IMMP2L: variants seen among roughly 807,000 people sequenced by gnomAD.
IMMP2L encodes the protein mitochondrial inner membrane protease subunit 2.
A neutral mutation model predicts 19.3 loss-of-function variants in IMMP2L; 18 were observed. That is an observed-to-expected ratio of 0.93 (90% CI 0.64 to 1.38). IMMP2L has a LOEUF of 1.38. Ranked by LOEUF, IMMP2L falls within the 40% of genes most tolerant of loss-of-function variation. The pLI is 0.00. For synonymous variants in IMMP2L, 76 were observed against 73.0 expected, an observed-to-expected ratio of 1.04 and a Z score of -0.21; for missense variants, 233 against 218.2, an observed-to-expected ratio of 1.07 and a Z score of -0.43.
chr7:111,115,043 A>G (rs1266790322), intron 3 of IMMP2L, among the ~76,000 whole-genome samples: 1 of 152,168 alleles, frequency 6.6e-6, no homozygotes, highest in African/African-American at 2.4e-5. Flanking sequence ...TTATACTTCA[A>G]TCTAAGATGA....
At chr7:110,802,475 AC>A (rs1320698885) in intron 5 of IMMP2L, among the ~76,000 whole-genome samples, 1 of 151,794 alleles carries the variant, frequency 6.6e-6, no homozygotes, top group African/African-American at 2.4e-5. Context: ...AATATCCTAT[AC>A]CATTATTATT....
At chr7:111,496,923 T>TAGATAGAC (rs1843649455) in intron 2 of IMMP2L, among the ~76,000 whole-genome samples, 2 of 151,062 alleles carry the variant, frequency 1.3e-5, no homozygotes, top group Admixed American at 6.6e-5. Context: ...GATAGATAGA[T>TAGATAGAC]AGACAGACAG....
intron 5 of IMMP2L, among the ~76,000 whole-genome samples, chr7:110,721,568 C>T (rs569504054): frequency 6.6e-6 from 1 of 151,856 alleles, no homozygotes; most frequent in Non-Finnish European, 1.5e-5. Flanking sequence ...CAAAAAAACA[C>T]ACAAACAAAA....
intron 2 of IMMP2L, among the ~76,000 whole-genome samples, chr7:111,511,381 A>G (rs1468000333): frequency 6.6e-6 from 1 of 152,114 alleles, no homozygotes; most frequent in African/African-American, 2.4e-5. Context: ...CGTGGTGGCC[A>G]ACACCTGTAA....
intron 3 of IMMP2L, among the ~76,000 whole-genome samples, chr7:111,114,589 C>T (rs575865492): frequency 5.3e-5 from 8 of 151,408 alleles, no homozygotes; most frequent in East Asian, 2.0e-4. Flanking sequence ...TACAAACATT[C>T]GCTGGGTGTG....
intron 4 of IMMP2L, 111 bp downstream of exon 4, chr7:110,963,389 T>A (rs1353030820): frequency 1.4e-6 from 1 of 692,168 alleles, no homozygotes; most frequent in Non-Finnish European, 2.4e-6. Context: ...TCATTTGGAA[T>A]GTCTCCAAAA....
Position 110,970,997 on chromosome 7 carries a change from C to T in IMMP2L, c.240-7432G>A, listed in dbSNP as rs567347119. ...CCACAAAACACCCTGAAAGAGCAAG[C>T]TATTTGTATTTTCTATATCAAACCA... On this transcript the variant is annotated intron_variant, in intron 3 of 5. Transcript: ENST00000405709. 5.9e-5 allele frequency among the ~76,000 whole-genome samples: 9 copies of T among 152,220 alleles called. No homozygotes were observed. The South Asian group carries it at 1.9e-3, about 32-fold the overall frequency.
chr7:110,793,393 C>G (rs2131162427), intron 5 of IMMP2L, among the ~76,000 whole-genome samples: 1 of 151,652 alleles, frequency 6.6e-6, no homozygotes, highest in African/African-American at 2.4e-5. Context: ...GCACTCTAGC[C>G]TGGGCAACAG....
At chr7:111,454,542 T>C (rs1839514769) in intron 3 of IMMP2L, among the ~76,000 whole-genome samples, 2 of 152,044 alleles carry the variant, frequency 1.3e-5, no homozygotes, top group Non-Finnish European at 2.9e-5. Context: ...CACTCAAATA[T>C]AGCTAATTTC....
intron 4 of IMMP2L, among the ~76,000 whole-genome samples, chr7:110,893,603 G>A (rs1435266872): frequency 6.6e-6 from 1 of 151,982 alleles, no homozygotes; most frequent in East Asian, 1.9e-4. Flanking sequence ...AAGATTCAGG[G>A]GGTACATGTG....
chr7:111,060,935 C>T (rs1469266996), intron 3 of IMMP2L, among the ~76,000 whole-genome samples: 2 of 152,152 alleles, frequency 1.3e-5, no homozygotes, highest in East Asian at 1.9e-4. Context: ...TTACGGTTCT[C>T]GGATTTAGAC....
In IMMP2L at chr7:111,123,496, T is replaced by G; in HGVS notation, c.240-159931A>C. ...TGGACTGGAAAACTTAGAAAGCATCTCTTTTTACGATAACAGGCTTATTAA... is the reference window on the plus strand; with the variant it reads ...TGGACTGGAAAACTTAGAAAGCATCGCTTTTTACGATAACAGGCTTATTAA... On this transcript the variant is annotated intron_variant, in intron 3 of 5. Coordinates refer to ENST00000405709, the MANE Select transcript of IMMP2L (RefSeq NM_032549.4). This position sits in a 1 kb window ranked among gnomAD's most constrained non-coding sequence, Gnocchi z 6.4. 1 of 1,613,874 alleles carries G rather than the reference T, an allele frequency of 6.2e-7. No individual in the cohort carries two copies. Among genetic ancestry groups the G allele is most frequent in the Non-Finnish European group, 8.5e-7 (1 of 1,179,942 alleles).
Position 110,870,658 on chromosome 7 carries a change from C to G in IMMP2L, c.408+15935G>C, listed in dbSNP as rs192681030. 6.6e-6 allele frequency among the ~76,000 whole-genome samples: 1 copy of G among 151,998 alleles called. No individual in the cohort carries two copies. The highest frequency in any genetic ancestry group is 1.9e-4 in the East Asian group (1 of 5,164). ...AATAAAGAGCCAACCACACAAAGAC[C>G]TAAAGGAAGAGAATTCAAGGAAGAG... is the stretch of plus-strand genomic sequence containing the variant. On this transcript the variant is annotated intron_variant, in intron 5 of 5. Transcript: ENST00000405709. This position sits in a 1 kb window ranked among gnomAD's most constrained non-coding sequence, Gnocchi z 4.2.
rs567292241 is a variant in IMMP2L at position 111,480,153 on chromosome 7, G to A, written c.239+7085C>T. ...GGCTGGAGTGCAGTGGCGCAATCTC[G>A]GCTCACTGCAAGCTCCGCCTCCCAG... is the stretch of plus-strand genomic sequence containing the variant. On this transcript the variant is annotated intron_variant, in intron 3 of 5. Transcript: ENST00000405709. 2.7e-5 allele frequency among the ~76,000 whole-genome samples: 4 copies of A among 149,582 alleles called. 1 individual carries two copies. Among genetic ancestry groups the A allele is most frequent in the African/African-American group, 9.9e-5 (4 of 40,450 alleles).
At chr7:111,446,174 G>A (rs1442887696) in intron 3 of IMMP2L, among the ~76,000 whole-genome samples, 1 of 152,212 alleles carries the variant, frequency 6.6e-6, no homozygotes, top group Non-Finnish European at 1.5e-5. Context: ...AAACAAAGCA[G>A]CCTGGAAGCT....
At chr7:111,139,156 C>T (rs2129597427) in intron 3 of IMMP2L, among the ~76,000 whole-genome samples, 1 of 151,992 alleles carries the variant, frequency 6.6e-6, no homozygotes, top group South Asian at 2.1e-4. Context: ...TATCTTTGCC[C>T]TATTTACATT....
rs114629620 is a variant in IMMP2L, at chr7:111,302,143, G to C, written c.239+185095C>G. ...TTAGTAACTTCACTGGAATGCCCTT[G>C]CCCCAGATTTCTACAAGGTTAGTTC... On this transcript the variant is annotated intron_variant, in intron 3 of 5. Transcript: ENST00000405709. Among the ~76,000 whole-genome samples, 635 of 151,936 alleles carry C rather than the reference G, an allele frequency of 4.2e-3. 5 individuals carry two copies. The highest frequency in any genetic ancestry group is 0.015 in the African/African-American group (609 of 41,448).
intron 5 of IMMP2L, among the ~76,000 whole-genome samples, chr7:110,668,541 G>A (rs1369783976): frequency 6.6e-6 from 1 of 152,124 alleles, no homozygotes; most frequent in Non-Finnish European, 1.5e-5. Flanking sequence ...CAATATATCT[G>A]CTCGCTTGCT....
In IMMP2L at chr7:110,799,471, G is replaced by C. The variant is rs1801095725; in HGVS notation, c.408+87122C>G. 2.0e-5 allele frequency among the ~76,000 whole-genome samples: 3 copies of C among 152,050 alleles called. No individual in the cohort carries two copies. In the South Asian group the frequency reaches 6.2e-4, roughly 32 times the overall value. ...TTAGATTGTAAAGTTGTTTTTAAAA[G>C]AAAGAGGATAAAATTATCTTCTATT... On this transcript the variant is annotated intron_variant, in intron 5 of 5. Transcript: ENST00000405709.
Sources: gnomAD v4.1 joint callset for allele counts (sites outside exome capture counted in the v4.1 genomes callset) on GRCh38, gnomAD v4.1.1 for gene constraint, Gnocchi (gnomAD v3.1) non-coding constraint, MANE v1.5 for transcripts, NCBI Gene and HGNC (gene_info 2026-07-23, HGNC 2026-07-21) for gene names.